The following MUC4 variants were observed in gnomAD, a reference collection of about 807,000 sequenced individuals.
MUC4 encodes mucin-4.
MUC4 carries 202 observed loss-of-function variants against 257.9 expected under a neutral mutation model. The observed-to-expected ratio is 0.78, with a 90% CI of 0.70 to 0.88. The LOEUF (loss-of-function observed/expected upper bound fraction) is 0.88. MUC4 is among the 40% of genes least tolerant of loss of function. The pLI is 0.00. For missense variants in MUC4, 5,976 were observed against 6,513.7 expected, an observed-to-expected ratio of 0.92 and a Z score of 2.84; for synonymous variants, 2,351 against 2,757.1, an observed-to-expected ratio of 0.85 and a Z score of 4.62.
chr3:195,765,545 C>G, intron 8 of MUC4, 96 bp from the exon 9 acceptor site: 1 of 1,226,848 alleles, frequency 8.2e-7, no homozygotes. Context: ...AAATGCACCC[C>G]CTCCTGCCAC....
chr3:195,794,861 C>T (rs942749649), intron 1 of MUC4, among the ~76,000 whole-genome samples: 39 of 152,218 alleles, frequency 2.6e-4, no homozygotes, highest in African/African-American at 6.3e-4. Flanking sequence ...AAGTGACTCA[C>T]GTGCAAGCTT....
chr3:195,802,822 G>A (rs1023979975), intron 1 of MUC4, among the ~76,000 whole-genome samples: 3 of 152,118 alleles, frequency 2.0e-5, no homozygotes, highest in Non-Finnish European at 4.4e-5. Flanking sequence ...TTTTGTAGCC[G>A]GCAGCTTAAA....
rs907102859 is a variant in MUC4, at chr3:195,810,854, G to A, written c.82+882C>T. Among the ~76,000 whole-genome samples the A allele has an allele frequency of 3.3e-5, 5 of 151,780 alleles. No individual in the cohort carries two copies. Among genetic ancestry groups the A allele is most frequent in the African/African-American group, 1.2e-4 (5 of 41,286 alleles). ...AGTTTTCTTCCGTCTCCATCACCCA[G>A]CTTTCCTGGCATCCCCTCTACCCCC... On this transcript the variant is annotated intron_variant, in intron 1 of 24. Coordinates refer to ENST00000463781, the MANE Select transcript of MUC4 (RefSeq NM_018406.7). The surrounding 1 kb of genome is among the most constrained non-coding windows in gnomAD (Gnocchi z 4.2).
Position 195,790,878 on chromosome 3 carries a change from A to C in MUC4, c.702T>G (p.Thr234=). 2.5e-6 allele frequency: 4 copies of C among 1,614,056 alleles called. 1 individual carries two copies. The South Asian group carries it at 4.4e-5, about 18-fold the overall frequency. The change falls in exon 2 of 25, where the codon ACT becomes ACG. Residue 234 remains threonine, a synonymous_variant. Transcript: ENST00000463781. ...FSPSVHNVTG[T]VSQKTSPSGE... ...CTGAAGGAGATGTCTTCTGAGAAAC[A>C]GTCCCTGTCACATTGTGTACACTTG...
Position 195,791,210 on chromosome 3 carries a change from G to A in MUC4, c.370C>T (p.Pro124Ser). The A allele has an allele frequency of 1.2e-6, 2 of 1,612,350 alleles. No individual in the cohort carries two copies. The highest frequency in any genetic ancestry group is 2.2e-5 in the South Asian group (2 of 91,018). Residue 124 changes from proline (P) to serine (S), a missense_variant, in exon 2 of 25, where the codon CCC becomes TCC. Around this residue, in one of 44 missense-constraint regions of MUC4, gnomAD observed 1,583 missense variants for 1,257.4 expected, o/e 1.26. Coordinates refer to ENST00000463781, the MANE Select transcript of MUC4 (RefSeq NM_018406.7). ...ATGAGTGTGTTGGTGACACTGGAGG[G>A]AAATGATGTGGTCATTTCATCTGGA... is the stretch of plus-strand genomic sequence containing the variant. ...APPDEMTTSFPSSVTNTLMMT... is the reference protein window; with the variant it reads ...APPDEMTTSFSSSVTNTLMMT...
rs746466138 is a variant in MUC4 at position 195,769,132 on chromosome 3, G to A, written c.13419C>T (p.Ile4473=). The change falls in exon 7 of 25, where the codon ATC becomes ATT. Residue 4473 remains isoleucine, a synonymous_variant. Coordinates refer to ENST00000463781, the MANE Select transcript of MUC4 (RefSeq NM_018406.7). ...WTLGSNTYQA[I]LSTDGSRSYA... is the part of the protein sequence containing the mutation. ...AGGACCTGCTCCCGTCCGTGGAGAG[G>A]ATGGCTTGGTAGGTGTTGCTCTGGG... The A allele has an allele frequency of 6.2e-7, 1 of 1,614,140 alleles. No individual in the cohort carries two copies.
Position 195,784,111 on chromosome 3 carries a change from G to C in MUC4, c.7469C>G (p.Ser2490Cys), listed in dbSNP as rs760112197. 3 of 1,534,742 alleles carry C rather than the reference G, an allele frequency of 2.0e-6. No individual in the cohort carries two copies. The South Asian group carries it at 3.6e-5, about 18-fold the overall frequency. ...PLLVTDASSV[S>C]TGDTTRLPVT... ...AGGAAGACGGGTGGTGTCACCTGTG[G>C]ATACTGACGAAGCGTCGGTGACAAG... Residue 2490 changes from serine (S) to cysteine (C), a missense_variant, in exon 2 of 25, where the codon TCC becomes TGC. Transcript: ENST00000463781.
Position 195,760,516 on chromosome 3 carries a change from G to A in MUC4, c.14848+368C>T, listed in dbSNP as rs55853227. On this transcript the variant is annotated intron_variant, in intron 16 of 24. Transcript: ENST00000463781. ...GGAGGGGGCTGGGAAGGCATCCAGC[G>A]CTAGGATGGATGGAGGGGGCTGGGA... Among the ~76,000 whole-genome samples the A allele has an allele frequency of 4.2e-3, 163 of 38,778 alleles. 1 individual carries two copies. Among genetic ancestry groups the A allele is most frequent in the Middle Eastern group, 9.4e-3 (1 of 106 alleles). 25.4% of individuals were successfully genotyped at this position (38,778 alleles called of 152,430 possible). A position where few individuals can be genotyped will look rare whatever the true frequency, so the allele number is the denominator to read the frequency against.
intron 7 of MUC4, among the ~76,000 whole-genome samples, chr3:195,767,841 C>T (rs71635070): frequency 5.3e-4 from 66 of 125,466 alleles, no homozygotes; most frequent in African/African-American, 1.7e-3. Context: ...ATCACCACCA[C>T]CACCATCGCC....
chr3:195,790,182 A>T lies in MUC4; in HGVS notation c.1398T>A (p.His466Gln). The T allele has an allele frequency of 1.9e-6, 3 of 1,614,034 alleles. No homozygotes were observed. The highest frequency in any genetic ancestry group is 2.2e-5 in the South Asian group (2 of 91,086). ...SEGAETTGRP[H>Q]ERSSFSPGVS... The stretch of plus-strand genomic sequence containing the variant: ...CACCTGGAGAGAATGAGCTCCTCTC[A>T]TGAGGCCGTCCTGTGGTCTCTGCAC... The change falls in exon 2 of 25, where the codon CAT becomes CAA. Residue 466 changes from histidine (H) to glutamine (Q), a missense_variant. Around this residue, in one of 44 missense-constraint regions of MUC4, gnomAD observed 1,583 missense variants for 1,257.4 expected, o/e 1.26. Transcript: ENST00000463781.
At position 195,778,810 on chromosome 3, in the gene MUC4, G is replaced by T. The variant is rs765160301; in HGVS notation, c.12770C>A (p.Pro4257His). Residue 4257 changes from proline (P) to histidine (H), a missense_variant, in exon 2 of 25, where the codon CCT (proline) becomes CAT (histidine). By Grantham distance (77) the Pro-to-His change is moderately conservative (BLOSUM62 -2). This residue lies in a region of MUC4 where 233 missense variants were observed against 171.2 expected (regional missense o/e 1.36). Coordinates refer to ENST00000463781, the MANE Select transcript of MUC4 (RefSeq NM_018406.7). ...TSASTVSSDS[P>H]LKMETPGMTT... ...GCTACCTGGTGTTTCCATCTTCAGA[G>T]GGGAGTCCGAGGATACTGTGGAAGC... The T allele has an allele frequency of 6.2e-7, 1 of 1,611,688 alleles. No individual in the cohort carries two copies. Among genetic ancestry groups the T allele is most frequent in the Non-Finnish European group, 8.5e-7 (1 of 1,179,164 alleles).
chr3:195,747,339 C>T lies in MUC4; in HGVS notation c.16076G>A (p.Cys5359Tyr). 1 of 1,614,082 alleles carries T rather than the reference C, an allele frequency of 6.2e-7. No individual in the cohort carries two copies. Among genetic ancestry groups the T allele is most frequent in the Non-Finnish European group, 8.5e-7 (1 of 1,179,912 alleles). ...GTCGAGTTTCATGCTCAGGTGCTCA[C>T]AGTGCTCGCCCCAGGCCGTGTAGAT... The part of the protein sequence containing the change: ...FSIYTAWGEH[C>Y]EHLSMKLDAF... Residue 5359 changes from cysteine (C) to tyrosine (Y), a missense_variant, in exon 25 of 25, where the codon TGT becomes TAT. Cys to Tyr is a radical substitution (Grantham distance 194). Transcript: ENST00000463781.
rs768949727 is a variant in MUC4, at chr3:195,784,000, G to T, written c.7580C>A (p.Thr2527Asn). 118 of 1,523,470 alleles carry T rather than the reference G, an allele frequency of 7.7e-5. 2 individuals carry two copies. In the Admixed American group the frequency reaches 2.2e-3, roughly 28 times the overall value. The allele number at this position is 1,523,470 out of a possible 1,614,324, so 94.4% of individuals were successfully genotyped here. Residue 2527 changes from threonine to asparagine, a missense_variant, in exon 2 of 25, where the codon ACC becomes AAC. Around this residue, in one of 44 missense-constraint regions of MUC4, gnomAD observed 135 missense variants for 114.7 expected, o/e 1.18. Transcript: ENST00000463781. ...DTPSASTGDT[T>N]PLPVTNASSL... ...GGAAGCATTGGTGACAGGAAGAGGG[G>T]TGGTGTCACCTGTGGATGCTGAGGG...
chr3:195,802,550 G>A (rs1389335293), intron 1 of MUC4, among the ~76,000 whole-genome samples: 3 of 152,172 alleles, frequency 2.0e-5, no homozygotes, highest in African/African-American at 7.2e-5. Context: ...ACAGACTGGT[G>A]ACTGGCATTG....
intron 16 of MUC4, 61 bp from the exon 17 acceptor site, chr3:195,759,322 CCT>C (rs1275186192): frequency 6.3e-7 from 1 of 1,587,174 alleles, no homozygotes; most frequent in African/African-American, 1.3e-5. Flanking sequence ...TTATCAGCCT[CCT>C]CTCTTTCTCA....
Position 195,787,307 on chromosome 3 carries a change from G to A in MUC4, c.4273C>T (p.Leu1425Phe). Reference protein sequence around the residue: ...SSASTGHATPLPVTDASSVST... With the variant: ...SSASTGHATPFPVTDASSVST... Reference sequence around the variant, plus strand: ...ACTGAGGAAGCGTCGGTGACAGGAAGAGGGGTGGCGTGTCCTGTGGATGCT... The same window carrying A: ...ACTGAGGAAGCGTCGGTGACAGGAAAAGGGGTGGCGTGTCCTGTGGATGCT... The change falls in exon 2 of 25, where the codon CTT becomes TTT. Residue 1425 changes from leucine to phenylalanine, a missense_variant. Physicochemically the swap from Leu to Phe is conservative, Grantham distance 22. Coordinates refer to ENST00000463781, the MANE Select transcript of MUC4 (RefSeq NM_018406.7). The A allele has an allele frequency of 1.8e-6, 1 of 554,138 alleles. No homozygotes were observed. The highest frequency in any genetic ancestry group is 2.8e-6 in the Non-Finnish European group (1 of 353,882). 34.3% of individuals were successfully genotyped at this position (554,138 alleles called of 1,614,324 possible). A position where few individuals can be genotyped will look rare whatever the true frequency, so the allele number is the denominator to read the frequency against.
intron 1 of MUC4, among the ~76,000 whole-genome samples, chr3:195,798,462 G>GT (rs761745735): frequency 1.3e-5 from 2 of 152,202 alleles, no homozygotes; most frequent in Non-Finnish European, 2.9e-5. Flanking sequence ...CCAGCGCTTT[G>GT]TGAGGCTGAG....
At position 195,788,978 on chromosome 3, in the gene MUC4, C is replaced by T. The variant is rs373816796; in HGVS notation, c.2602G>A (p.Val868Ile). The T allele has an allele frequency of 2.9e-5, 47 of 1,613,538 alleles. No individual in the cohort carries two copies. Among genetic ancestry groups the T allele is most frequent in the Admixed American group, 5.0e-5 (3 of 59,942 alleles). The change falls in exon 2 of 25, where the codon GTC becomes ATC. Residue 868 changes from valine (V) to isoleucine (I), a missense_variant. Physicochemically the swap from Val to Ile is conservative, Grantham distance 29. This residue lies in a region of MUC4 where 1,583 missense variants were observed against 1,257.4 expected (regional missense o/e 1.26). Coordinates refer to ENST00000463781, the MANE Select transcript of MUC4 (RefSeq NM_018406.7). ...AGGGTGGGATGAAAGGTGCCGGGGA[C>T]GATCGAAGACGCCATTCCTGTGCTT... ...PVSTGMASSI[V>I]PGTFHPTLSE...
chr3:195,779,669 C>A lies in MUC4; in HGVS notation c.11911G>T (p.Val3971Phe). The change falls in exon 2 of 25, where the codon GTC becomes TTC. Residue 3971 changes from valine (V) to phenylalanine (F), a missense_variant. Coordinates refer to ENST00000463781, the MANE Select transcript of MUC4 (RefSeq NM_018406.7). ...GTGGATGCTGAGGAACGGCTGGTGACAGGAAGAGAGGTGGCGTGACCTGTG... is the reference window on the plus strand; with the variant it reads ...GTGGATGCTGAGGAACGGCTGGTGAAAGGAAGAGAGGTGGCGTGACCTGTG... ...VSTGHATSLPVTSRSSASTGH... is the reference protein window; with the variant it reads ...VSTGHATSLPFTSRSSASTGH... 1 of 898,386 alleles carries A rather than the reference C, an allele frequency of 1.1e-6. No individual in the cohort carries two copies. Among genetic ancestry groups the A allele is most frequent in the Non-Finnish European group, 1.5e-6 (1 of 668,826 alleles). The allele number at this position is 898,386 out of a possible 1,614,324, so 55.7% of individuals were successfully genotyped here. A position where few individuals can be genotyped will look rare whatever the true frequency, so the allele number is the denominator to read the frequency against.
Sources: gnomAD v4.1 joint callset for allele counts (sites outside exome capture counted in the v4.1 genomes callset) on GRCh38, gnomAD v4.1.1 for gene constraint, gnomAD v4.1.1 regional missense constraint, Gnocchi (gnomAD v3.1) non-coding constraint, MANE v1.5 for transcripts, NCBI Gene and HGNC (gene_info 2026-07-23, HGNC 2026-07-21) for gene names.